The following KCNQ1OT1 variants were observed in gnomAD, a reference collection of about 807,000 sequenced individuals.
The protein encoded by KCNQ1OT1 is KCNQ1 antisense RNA 2 (non-protein coding).
At chr11:2,688,013 C>A in exon 1 of KCNQ1OT1, 1 of 398,710 alleles carries the variant, frequency 2.5e-6, no homozygotes, top group Non-Finnish European at 4.4e-6. Flanking sequence ...GGGGTCAGCA[C>A]CCCTCTAGGC....
chr11:2,686,662 C>A, exon 1 of KCNQ1OT1: 1 of 398,584 alleles, frequency 2.5e-6, no homozygotes, highest in East Asian at 3.6e-5. Context: ...GCCGCTGGAT[C>A]AAGTGTGGGT....
chr11:2,698,336 C>G lies in KCNQ1OT1; in HGVS notation n.1659G>C. The stretch of plus-strand genomic sequence containing the variant: ...CAGAACAGTGCTGTGGGAAGGCACT[C>G]TTACTCTCAATTTTATATAAAAGGC... On this transcript the variant is annotated non_coding_transcript_exon_variant, in exon 1 of 1. Transcript: ENST00000597346. The surrounding 1 kb of genome is among the most constrained non-coding windows in gnomAD (Gnocchi z 5.1). The G allele has an allele frequency of 2.5e-6, 1 of 398,596 alleles. No homozygotes were observed. The highest frequency in any genetic ancestry group is 6.3e-4 in the Middle Eastern group (1 of 1,588). The allele number at this position is 398,596 out of a possible 1,614,324, so 24.7% of individuals were successfully genotyped here.
At position 2,683,991 on chromosome 11, in the gene KCNQ1OT1, C is replaced by T. The variant is rs1169911278; in HGVS notation, n.16004G>A. Reference sequence around the variant, plus strand: ...TTTTTTTTTCATTTAGAAGAATTTCCTTGGCAACTCCGTCTCTCCTTAGTC... The same window carrying T: ...TTTTTTTTTCATTTAGAAGAATTTCTTTGGCAACTCCGTCTCTCCTTAGTC... On this transcript the variant is annotated non_coding_transcript_exon_variant, in exon 1 of 1. Transcript: ENST00000597346. This position sits in a 1 kb window ranked among gnomAD's most constrained non-coding sequence, Gnocchi z 4.7. 1 of 397,766 alleles carries T rather than the reference C, an allele frequency of 2.5e-6. No homozygotes were observed. The highest frequency in any genetic ancestry group is 4.4e-5 in the Admixed American group (1 of 22,672). 24.6% of individuals were successfully genotyped at this position (397,766 alleles called of 1,614,324 possible). A position where few individuals can be genotyped will look rare whatever the true frequency, so the allele number is the denominator to read the frequency against.
At chr11:2,655,126 A>G (rs1849822135) in exon 1 of KCNQ1OT1, 2 of 398,488 alleles carry the variant, frequency 5.0e-6, no homozygotes, top group African/African-American at 2.1e-5. Context: ...GAGCAGGACC[A>G]CTGACTAGAA....
At chr11:2,650,106 C>A in exon 1 of KCNQ1OT1, 1 of 398,282 alleles carries the variant, frequency 2.5e-6, no homozygotes, top group Non-Finnish European at 4.4e-6. Flanking sequence ...TTATTTCATT[C>A]ATTTAATTTA....
chr11:2,688,569 T>C, exon 1 of KCNQ1OT1: 1 of 398,726 alleles, frequency 2.5e-6, no homozygotes, highest in Non-Finnish European at 4.4e-6. Context: ...CACAGCCTCA[T>C]AGCAGCCAGT....
exon 1 of KCNQ1OT1, chr11:2,622,258 T>C (rs1849186456): frequency 2.5e-6 from 1 of 398,270 alleles, no homozygotes; most frequent in African/African-American, 2.1e-5. Context: ...ACGTTTCCAA[T>C]TGCGAAGTCT....
rs1849357715 is a variant in KCNQ1OT1, at chr11:2,631,829, C to T, written n.68166G>A. Reference sequence around the variant, plus strand: ...CCAAGGCTGAGTGTCCTGATGCTGTCGTGTAAATAGAGTTGTGTTAATAAT... The same window carrying T: ...CCAAGGCTGAGTGTCCTGATGCTGTTGTGTAAATAGAGTTGTGTTAATAAT... On this transcript the variant is annotated non_coding_transcript_exon_variant, in exon 1 of 1. Coordinates refer to ENST00000597346, the Ensembl canonical transcript of KCNQ1OT1. 1.0e-5 allele frequency: 4 copies of T among 398,344 alleles called. No homozygotes were observed. The Admixed American group carries it at 1.3e-4, about 13-fold the overall frequency. The allele number at this position is 398,344 out of a possible 1,614,324, so 24.7% of individuals were successfully genotyped here.
chr11:2,658,696 A>G lies in KCNQ1OT1; in HGVS notation n.41299T>C, dbSNP rs1590012121. 3 of 398,466 alleles carry G rather than the reference A, an allele frequency of 7.5e-6. No individual in the cohort carries two copies. The highest frequency in any genetic ancestry group is 2.1e-5 in the African/African-American group (1 of 48,604). 24.7% of individuals were successfully genotyped at this position (398,466 alleles called of 1,614,324 possible). ...GTGGACAGAGCTAGGAAATATATGT[A>G]TGTATGTAACCTGAGTACACATACA... On this transcript the variant is annotated non_coding_transcript_exon_variant, in exon 1 of 1. Transcript: ENST00000597346. This position sits in a 1 kb window ranked among gnomAD's most constrained non-coding sequence, Gnocchi z 4.9.
At chr11:2,697,661 T>G (rs1850701236) in exon 1 of KCNQ1OT1, 3 of 398,504 alleles carry the variant, frequency 7.5e-6, no homozygotes, top group Non-Finnish European at 1.3e-5. Context: ...CCTCTTAATG[T>G]GAATTACATG....
exon 1 of KCNQ1OT1, chr11:2,697,737 T>A (rs2133899871): frequency 2.5e-6 from 1 of 398,624 alleles, no homozygotes; most frequent in East Asian, 3.6e-5. Flanking sequence ...TTAAGAATTG[T>A]TGTTTAATAC....
exon 1 of KCNQ1OT1, chr11:2,693,149 T>TGA (rs1850616186): frequency 2.5e-6 from 1 of 398,546 alleles, no homozygotes; most frequent in South Asian, 1.3e-4. Flanking sequence ...TAGCCCTCAG[T>TGA]CTACACTCTG....
exon 1 of KCNQ1OT1, chr11:2,633,087 G>C: frequency 2.5e-6 from 1 of 398,308 alleles, no homozygotes; most frequent in Non-Finnish European, 4.4e-6. Flanking sequence ...GTTATGTTTT[G>C]TCTTTTTGAA....
At position 2,624,748 on chromosome 11, in the gene KCNQ1OT1, C is replaced by CA. The variant is rs1849236465; in HGVS notation, n.75246dup. ...TTAAACAATAATTCCCCAACCCCCC[C>CA]ACCACCGCCATCTCTTGGAAACCAC... On this transcript the variant is annotated non_coding_transcript_exon_variant, in exon 1 of 1. Coordinates refer to ENST00000597346, the Ensembl canonical transcript of KCNQ1OT1. The surrounding 1 kb of genome is among the most constrained non-coding windows in gnomAD (Gnocchi z 4.9). The CA allele has an allele frequency of 2.5e-6, 1 of 398,370 alleles. No homozygotes were observed. Among genetic ancestry groups the CA allele is most frequent in the African/African-American group, 2.1e-5 (1 of 48,596 alleles). 24.7% of individuals were successfully genotyped at this position (398,370 alleles called of 1,614,324 possible).
rs1220543742 is a variant in KCNQ1OT1, at chr11:2,663,574, CCT to C, written n.36419_36420del. On this transcript the variant is annotated non_coding_transcript_exon_variant, in exon 1 of 1. Transcript: ENST00000597346. This position sits in a 1 kb window ranked among gnomAD's most constrained non-coding sequence, Gnocchi z 5.2. ...CTCATCCTTCTGGCTGCTTGCTTCT[CCT>C]GTTGGAGCTCTCGCTCACCTTGGTT... The C allele has an allele frequency of 2.5e-6, 1 of 398,608 alleles. No individual in the cohort carries two copies. 24.7% of individuals were successfully genotyped at this position (398,608 alleles called of 1,614,324 possible). A position where few individuals can be genotyped will look rare whatever the true frequency, so the allele number is the denominator to read the frequency against.
At chr11:2,675,063 C>A (rs905423146) in exon 1 of KCNQ1OT1, 7 of 398,518 alleles carry the variant, frequency 1.8e-5, no homozygotes, top group Non-Finnish European at 2.7e-5. Flanking sequence ...AAGGGCAGAG[C>A]CCCTGGAGAG....
chr11:2,657,085 C>G lies in KCNQ1OT1; in HGVS notation n.42910G>C, dbSNP rs1451215300. The G allele has an allele frequency of 2.5e-6, 1 of 398,532 alleles. No homozygotes were observed. The highest frequency in any genetic ancestry group is 3.6e-5 in the East Asian group (1 of 28,086). The allele number at this position is 398,532 out of a possible 1,614,324, so 24.7% of individuals were successfully genotyped here. On this transcript the variant is annotated non_coding_transcript_exon_variant, in exon 1 of 1. Coordinates refer to ENST00000597346, the Ensembl canonical transcript of KCNQ1OT1. The surrounding 1 kb of genome is among the most constrained non-coding windows in gnomAD (Gnocchi z 4.8). ...AATCCTGTCCCATTGGCCTATTTGT[C>G]TCTCCCTGTGTCAATACCACATTGC...
rs997609963 is a variant in KCNQ1OT1, at chr11:2,663,280, G to A, written n.36715C>T. On this transcript the variant is annotated non_coding_transcript_exon_variant, in exon 1 of 1. Transcript: ENST00000597346. This position sits in a 1 kb window ranked among gnomAD's most constrained non-coding sequence, Gnocchi z 5.2. Reference sequence around the variant, plus strand: ...CTAGTCATGGACACCCTGAGAATAGGGCTCTGAGCTTCTGGGCCCCTCCTG... The same window carrying A: ...CTAGTCATGGACACCCTGAGAATAGAGCTCTGAGCTTCTGGGCCCCTCCTG... 2.5e-6 allele frequency: 1 copy of A among 398,580 alleles called. No individual in the cohort carries two copies. The highest frequency in any genetic ancestry group is 2.1e-5 in the African/African-American group (1 of 48,594). The allele number at this position is 398,580 out of a possible 1,614,324, so 24.7% of individuals were successfully genotyped here. A position where few individuals can be genotyped will look rare whatever the true frequency, so the allele number is the denominator to read the frequency against.
chr11:2,680,289 T>G (rs1230416145), exon 1 of KCNQ1OT1: 4 of 395,434 alleles, frequency 1.0e-5, no homozygotes, highest in Admixed American at 9.0e-5. Context: ...TTCATTCAAT[T>G]TAGATTAACT....
Sources: allele counts gnomAD v4.1 joint callset, GRCh38; gene constraint gnomAD v4.1.1; non-coding constraint Gnocchi (gnomAD v3.1); transcripts MANE v1.5; gene names NCBI Gene and HGNC (gene_info 2026-07-23, HGNC 2026-07-21).